Variants in ITGA3 observed in about 807,000 individuals in gnomAD.
ITGA3 encodes the protein integrin alpha-3.
Under a neutral mutation model 131.1 loss-of-function variants are expected in ITGA3, and 70 were observed. That is an observed-to-expected ratio of 0.53 (90% CI 0.44 to 0.65). The LOEUF (loss-of-function observed/expected upper bound fraction) is 0.65. Among genes scored for constraint, ITGA3 ranks in the 30% least tolerant of loss-of-function variants. ITGA3 has a pLI of 0.00. For missense variants in ITGA3, 1,098 were observed against 1,388.6 expected, an observed-to-expected ratio of 0.79 and a Z score of 3.33; for synonymous variants, 537 against 571.6, an observed-to-expected ratio of 0.94 and a Z score of 0.86.
intron 23 of ITGA3, 108 bp downstream of exon 23, chr17:50,081,516 G>T (rs1909185897): frequency 1.2e-6 from 1 of 821,318 alleles, no homozygotes; most frequent in Non-Finnish European, 2.0e-6. Context: ...TCTCAATCTT[G>T]GCCACACGGT....
chr17:50,075,599 C>T lies in ITGA3; in HGVS notation c.1538C>T (p.Thr513Ile), dbSNP rs936293430. The T allele has an allele frequency of 3.1e-6, 5 of 1,614,238 alleles. No individual in the cohort carries two copies. Among genetic ancestry groups the T allele is most frequent in the Non-Finnish European group, 3.4e-6 (4 of 1,180,038 alleles). The change falls in exon 12 of 26, where the codon ACC (threonine) becomes ATC (isoleucine). Residue 513 changes from threonine to isoleucine, a missense_variant and splice_region_variant. Thr to Ile is a moderately conservative substitution (Grantham distance 89, BLOSUM62 -1). This residue lies in a region of ITGA3 where 699 missense variants were observed against 829.2 expected (regional missense o/e 0.84). Transcript: ENST00000320031. ...TGCTGACCACCCTGTCTACCTGTAGCCCTGGCCTACACTCTGGAGGCTGAC... is the reference window on the plus strand; with the variant it reads ...TGCTGACCACCCTGTCTACCTGTAGTCCTGGCCTACACTCTGGAGGCTGAC... ...AGNPNYRRNI[T>I]LAYTLEADRD...
chr17:50,082,050 C>A (rs1909210940), intron 23 of ITGA3, among the ~76,000 whole-genome samples: 1 of 152,152 alleles, frequency 6.6e-6, no homozygotes, highest in Admixed American at 6.6e-5. Flanking sequence ...TCTGTTGCCC[C>A]AGCTGGAATG....
intron 6 of ITGA3, chr17:50,071,776 G>A (rs1343437799): frequency 1.3e-5 from 8 of 616,616 alleles, no homozygotes; most frequent in Non-Finnish European, 2.0e-5. Context: ...GTGCCTGCAT[G>A]GCGTCTCCAT....
chr17:50,085,903 C>T (rs1381913175), intron 23 of ITGA3, among the ~76,000 whole-genome samples: 1 of 109,560 alleles, frequency 9.1e-6, no homozygotes, highest in South Asian at 2.9e-4. Flanking sequence ...AGATTATACA[C>T]ATATAGATTT....
Position 50,075,465 on chromosome 17 carries a change from A to C in ITGA3, c.1476A>C (p.Gln492His). Reference sequence around the variant, plus strand: ...CTGTACATCCCTCCAACAGTGTGCAAGTGGAGCTGTGCTTTGCTTACAACC... The same window carrying C: ...CTGTACATCCCTCCAACAGTGTGCACGTGGAGCTGTGCTTTGCTTACAACC... ...PALCTATSCV[Q>H]VELCFAYNQS... Residue 492 changes from glutamine (Q) to histidine (H), a missense_variant, in exon 11 of 26, where the codon CAA (glutamine) becomes CAC (histidine). Coordinates refer to ENST00000320031, the MANE Select transcript of ITGA3 (RefSeq NM_002204.4). 1 of 1,614,134 alleles carries C rather than the reference A, an allele frequency of 6.2e-7. No homozygotes were observed. Among genetic ancestry groups the C allele is most frequent in the Non-Finnish European group, 8.5e-7 (1 of 1,180,010 alleles).
rs569722037 is a variant in ITGA3 at position 50,064,443 on chromosome 17, C to A, written c.335-85C>A. ...CTGCCCTGTGGGTGGAGGGCCCAAGCGGGACCCACTCCTGCCCTCTGGAGA... is the reference window on the plus strand; with the variant it reads ...CTGCCCTGTGGGTGGAGGGCCCAAGAGGGACCCACTCCTGCCCTCTGGAGA... On this transcript the variant is annotated intron_variant, in intron 2 of 25. Coordinates refer to ENST00000320031, the MANE Select transcript of ITGA3 (RefSeq NM_002204.4). This position sits in a 1 kb window ranked among gnomAD's most constrained non-coding sequence, Gnocchi z 4.4. The A allele has an allele frequency of 3.0e-6, 4 of 1,347,544 alleles. No homozygotes were observed. The highest frequency in any genetic ancestry group is 2.0e-4 in the Middle Eastern group (1 of 5,126). The allele number at this position is 1,347,544 out of a possible 1,614,324, so 83.5% of individuals were successfully genotyped here. A position where few individuals can be genotyped will look rare whatever the true frequency, so the allele number is the denominator to read the frequency against.
intron 23 of ITGA3, among the ~76,000 whole-genome samples, chr17:50,083,880 C>T (rs1909282195): frequency 6.6e-6 from 1 of 151,740 alleles, no homozygotes; most frequent in Non-Finnish European, 1.5e-5. Context: ...TCATCTTGCT[C>T]ATAAAGAAAT....
At position 50,084,018 on chromosome 17, in the gene ITGA3, T is replaced by G. The variant is rs189515701; in HGVS notation, c.2919+2610T>G. Among the ~76,000 whole-genome samples, 44 of 151,314 alleles carry G rather than the reference T, an allele frequency of 2.9e-4. 1 individual carries two copies. The highest frequency in any genetic ancestry group is 2.6e-3 in the Admixed American group (39 of 15,184). On this transcript the variant is annotated intron_variant, in intron 23 of 25. Coordinates refer to ENST00000320031, the MANE Select transcript of ITGA3 (RefSeq NM_002204.4). The stretch of plus-strand genomic sequence containing the variant: ...TTAGGAGGCCAAGGCGGGTGGATCA[T>G]TTGAGTTCAGTTCGAGACTAGCCTG...
intron 22 of ITGA3, among the ~76,000 whole-genome samples, chr17:50,080,716 A>G (rs772059947): frequency 6.6e-6 from 1 of 151,974 alleles, no homozygotes; most frequent in Non-Finnish European, 1.5e-5. Flanking sequence ...ATGCTTCACC[A>G]TCAGTGAGCT....
intron 15 of ITGA3, 97 bp from the exon 16 acceptor site, chr17:50,077,282 G>A: frequency 7.5e-7 from 1 of 1,334,200 alleles, no homozygotes; most frequent in South Asian, 1.3e-5. Context: ...GGAGAATCCG[G>A]CTCTCAAGCT....
Position 50,074,019 on chromosome 17 carries a change from G to A in ITGA3, c.1245+15G>A, listed in dbSNP as rs746538302. ...AGCCCCAGCAGGTACAGAGAGACGG[G>A]GATGGGTCTGCTGCCCCCACCAGCC... On this transcript the variant is annotated intron_variant, in intron 8 of 25. Coordinates refer to ENST00000320031, the MANE Select transcript of ITGA3 (RefSeq NM_002204.4). The A allele has an allele frequency of 6.3e-7, 1 of 1,595,060 alleles. No homozygotes were observed.
intron 23 of ITGA3, among the ~76,000 whole-genome samples, chr17:50,086,031 T>G (rs566450639): frequency 0.41 from 72 of 176 alleles, 6 homozygotes; most frequent in Admixed American, 0.55. Context: ...ATATATTAGA[T>G]TATGTTATAT....
rs753007168 is a variant in ITGA3 at position 50,074,008 on chromosome 17, C to T, written c.1245+4C>T. The T allele has an allele frequency of 1.9e-6, 3 of 1,608,138 alleles. No individual in the cohort carries two copies. Among genetic ancestry groups the T allele is most frequent in the Middle Eastern group, 1.7e-4 (1 of 6,052 alleles). On this transcript the variant is annotated splice_donor_region_variant and intron_variant, in intron 8 of 25. Coordinates refer to ENST00000320031, the MANE Select transcript of ITGA3 (RefSeq NM_002204.4). ...GCTCCTTAGACAGCCCCAGCAGGTACAGAGAGACGGGGATGGGTCTGCTGC... is the reference window on the plus strand; with the variant it reads ...GCTCCTTAGACAGCCCCAGCAGGTATAGAGAGACGGGGATGGGTCTGCTGC...
chr17:50,064,494 G>A lies in ITGA3; in HGVS notation c.335-34G>A, dbSNP rs1473307050. On this transcript the variant is annotated intron_variant, in intron 2 of 25. Coordinates refer to ENST00000320031, the MANE Select transcript of ITGA3 (RefSeq NM_002204.4). This position sits in a 1 kb window ranked among gnomAD's most constrained non-coding sequence, Gnocchi z 4.4. ...CTTTGGGCACTGAAGTATGGGTGAG[G>A]TGCTCTGATTCATGATCCTTCCGGT... 1 of 1,588,836 alleles carries A rather than the reference G, an allele frequency of 6.3e-7. No homozygotes were observed.
intron 23 of ITGA3, among the ~76,000 whole-genome samples, chr17:50,081,711 T>C (rs115226363): frequency 0.013 from 2,032 of 152,260 alleles, 47 homozygotes; most frequent in African/African-American, 0.045. Flanking sequence ...AGAGTAGGGC[T>C]GGGACTGCCT....
At chr17:50,067,653 G>A (rs936390539) in intron 3 of ITGA3, among the ~76,000 whole-genome samples, 5 of 152,196 alleles carry the variant, frequency 3.3e-5, no homozygotes, top group Admixed American at 6.5e-5. Flanking sequence ...TATTATTACC[G>A]TCATTGTAAT....
intron 23 of ITGA3, among the ~76,000 whole-genome samples, chr17:50,084,619 G>GA (rs943713522): frequency 2.0e-4 from 30 of 149,390 alleles, no homozygotes; most frequent in Non-Finnish European, 3.1e-4. Context: ...GATATTAAGT[G>GA]AAAAAAAAAC....
At chr17:50,083,452 G>A (rs1048597545) in intron 23 of ITGA3, among the ~76,000 whole-genome samples, 10 of 152,038 alleles carry the variant, frequency 6.6e-5, no homozygotes, top group Admixed American at 2.0e-4. Flanking sequence ...GGCTGGGCAC[G>A]GTGGCTCACA....
chr17:50,080,144 C>T (rs1162990937), intron 21 of ITGA3, 118 bp from the exon 22 acceptor site: 1 of 595,194 alleles, frequency 1.7e-6, no homozygotes, highest in Non-Finnish European at 3.0e-6. Flanking sequence ...GGAAGTCAGA[C>T]CCCTTTGGGT....
Sources: gnomAD v4.1 joint callset for allele counts (sites outside exome capture counted in the v4.1 genomes callset) on GRCh38, gnomAD v4.1.1 for gene constraint, gnomAD v4.1.1 regional missense constraint, Gnocchi (gnomAD v3.1) non-coding constraint, MANE v1.5 for transcripts, NCBI Gene and HGNC (gene_info 2026-07-23, HGNC 2026-07-21) for gene names.